DOCK6: variants seen among roughly 807,000 people sequenced by gnomAD.
DOCK6 encodes the protein dedicator of cytokinesis protein 6.
In DOCK6, 167 loss-of-function variants were observed where a neutral mutation model predicts 230.3. The ratio of observed to expected loss-of-function variants is 0.73; its 90% CI spans 0.64 to 0.82. DOCK6 has a LOEUF of 0.82. Ranked by LOEUF, DOCK6 falls within the 40% of genes least tolerant of loss-of-function variation. The pLI, the probability that DOCK6 is intolerant of heterozygous loss-of-function variation, is 0.00. For synonymous variants in DOCK6, 1,148 were observed against 1,185.0 expected (o/e 0.97, Z 0.64); for missense variants, 2,598 against 2,825.8 (o/e 0.92, Z 1.83).
intron 1 of DOCK6, among the ~76,000 whole-genome samples, chr19:11,261,323 T>G (rs926691180): frequency 5.3e-5 from 8 of 150,578 alleles, no homozygotes; most frequent in Non-Finnish European, 8.9e-5. Flanking sequence ...CTGACCCACC[T>G]CCCGCATCTC....
Position 11,242,053 on chromosome 19 carries a change from G to A in DOCK6, c.1635C>T (p.Thr545=). Reference sequence around the variant, plus strand: ...GGCCCCAGAGGCCGTACCTGTAGCTGGTATGGGGGGCATAGACTTCGCGGG... The same window carrying A: ...GGCCCCAGAGGCCGTACCTGTAGCTAGTATGGGGGGCATAGACTTCGCGGG... ...FPAREVYAPH[T]SYRNLLYVYP... The change falls in exon 14 of 48, where the codon ACC becomes ACT. Residue 545 remains threonine (T), a synonymous_variant. Transcript: ENST00000294618. 2 of 1,565,732 alleles carry A rather than the reference G, an allele frequency of 1.3e-6. No homozygotes were observed. Among genetic ancestry groups the A allele is most frequent in the Admixed American group, 2.2e-5 (1 of 44,532 alleles).
chr19:11,211,651 C>T, intron 37 of DOCK6, 125 bp downstream of exon 37: 1 of 679,096 alleles, frequency 1.5e-6, no homozygotes, highest in Non-Finnish European at 2.4e-6. Context: ...CCTCACTTGC[C>T]TCTGTTAGGG....
Position 11,257,027 on chromosome 19 carries a change from C to T in DOCK6, c.45-3301G>A, listed in dbSNP as rs768245514. Among the ~76,000 whole-genome samples the T allele has an allele frequency of 1.3e-4, 20 of 151,824 alleles. No homozygotes were observed. The South Asian group carries it at 1.5e-3, about 11-fold the overall frequency. On this transcript the variant is annotated intron_variant, in intron 1 of 47. Transcript: ENST00000294618. ...TTTTTTGAGACAGGTCTTACTGTCG[C>T]CCAGGCTGGAATGCAGTGGTGCAAT...
Position 11,222,424 on chromosome 19 carries a change from G to A in DOCK6, c.3241-176C>T, listed in dbSNP as rs2079595268. 3 of 904,438 alleles carry A rather than the reference G, an allele frequency of 3.3e-6. No homozygotes were observed. In the East Asian group the frequency reaches 8.0e-5, roughly 24 times the overall value. The allele number at this position is 904,438 out of a possible 1,614,324, so 56.0% of individuals were successfully genotyped here. ...CATGGGTTTCAAGGCCAGAAGTGAG[G>A]GGCTGACGTTAACCCATCTGTGATG... On this transcript the variant is annotated intron_variant, in intron 26 of 47. Coordinates refer to ENST00000294618, the MANE Select transcript of DOCK6 (RefSeq NM_020812.4). This position sits in a 1 kb window ranked among gnomAD's most constrained non-coding sequence, Gnocchi z 4.0.
At chr19:11,227,840 C>T (rs890919809) in intron 23 of DOCK6, among the ~76,000 whole-genome samples, 3 of 150,940 alleles carry the variant, frequency 2.0e-5, no homozygotes, top group Non-Finnish European at 4.4e-5. Flanking sequence ...GCGGGTCTCC[C>T]CAGGGCAAGT....
In DOCK6 at chr19:11,222,183, T is replaced by C. The variant is rs1315759432; in HGVS notation, c.3306A>G (p.Pro1102=). The change falls in exon 27 of 48, where the codon CCA becomes CCG. Residue 1102 remains proline (P), a synonymous_variant. Transcript: ENST00000294618. The surrounding 1 kb of genome is among the most constrained non-coding windows in gnomAD (Gnocchi z 4.0). ...KVTSMFELSG[P]FRQQHFLAGL... ...CAGCTAGGAAGTGCTGCTGCCGGAA[T>C]GGTCCACTCAGTTCGAACATGCTGG... 6.2e-7 allele frequency: 1 copy of C among 1,609,474 alleles called. No homozygotes were observed. Among genetic ancestry groups the C allele is most frequent in the East Asian group, 2.2e-5 (1 of 44,724 alleles).
At chr19:11,244,451 CTTTTTTTTTTTTT>C (rs56722117) in intron 9 of DOCK6, among the ~76,000 whole-genome samples, 68 of 40,260 alleles carry the variant, frequency 1.7e-3, no homozygotes, top group Non-Finnish European at 2.4e-3. Flanking sequence ...CCACACCTGG[CTTTTTTTTTTTTT>C]TTTTTTTTTT....
intron 47 of DOCK6, among the ~76,000 whole-genome samples, 181 bp from the exon 48 acceptor site, chr19:11,199,720 A>T (rs1223665768): frequency 6.6e-6 from 1 of 152,220 alleles, no homozygotes; most frequent in Non-Finnish European, 1.5e-5. Context: ...CACGGAAGGT[A>T]TGAATCATCC....
intron 22 of DOCK6, chr19:11,229,444 T>G: frequency 4.5e-6 from 4 of 896,282 alleles, no homozygotes; most frequent in Non-Finnish European, 5.4e-6. Flanking sequence ...GGTGAAGGGG[T>G]ATGTGGTTGG....
chr19:11,238,644 A>G (rs2079890169), intron 14 of DOCK6: 1 of 254,882 alleles, frequency 3.9e-6, no homozygotes, highest in East Asian at 8.1e-5. Context: ...GTTCCAAGGT[A>G]CCTCAGGTGG....
intron 39 of DOCK6, among the ~76,000 whole-genome samples, chr19:11,205,565 G>A (rs1370654373): frequency 2.0e-5 from 3 of 151,692 alleles, no homozygotes; most frequent in East Asian, 3.9e-4. Flanking sequence ...GGCTGGTCTC[G>A]AACTCCTGAC....
chr19:11,240,692 G>C (rs950804899), intron 14 of DOCK6, among the ~76,000 whole-genome samples: 3 of 150,492 alleles, frequency 2.0e-5, no homozygotes, highest in Non-Finnish European at 4.4e-5. Flanking sequence ...TGATTCTCCT[G>C]CCTCAGCCTC....
At chr19:11,240,346 G>GA (rs1397367876) in intron 14 of DOCK6, 1 of 1,482,520 alleles carries the variant, frequency 6.7e-7, no homozygotes, top group Non-Finnish European at 9.0e-7. Context: ...TTTCCGGCCA[G>GA]AACTCGCTTC....
At chr19:11,212,999 G>C (rs1262842734) in intron 35 of DOCK6, among the ~76,000 whole-genome samples, 177 bp downstream of exon 35, 2 of 150,656 alleles carry the variant, frequency 1.3e-5, no homozygotes, top group Non-Finnish European at 3.0e-5. Context: ...GCCTCCCAAA[G>C]TGCTGGGATT....
chr19:11,226,952 C>T (rs537769518), intron 24 of DOCK6, among the ~76,000 whole-genome samples: 2 of 152,298 alleles, frequency 1.3e-5, no homozygotes, highest in East Asian at 1.9e-4. Flanking sequence ...TCATTCACTA[C>T]AATCTAGCCA....
chr19:11,219,765 G>C (rs2079552724), intron 28 of DOCK6, among the ~76,000 whole-genome samples: 1 of 150,542 alleles, frequency 6.6e-6, no homozygotes, highest in Non-Finnish European at 1.5e-5. Flanking sequence ...ACTCCAGCCT[G>C]GGCAAGAGCG....
chr19:11,242,382 AT>A (rs895176755), intron 13 of DOCK6, among the ~76,000 whole-genome samples, 175 bp from the exon 14 acceptor site: 24 of 150,776 alleles, frequency 1.6e-4, no homozygotes, highest in African/African-American at 4.9e-4. Context: ...GTCACCCTAA[AT>A]TTTTTTTCGT....
At chr19:11,241,549 G>C (rs1411718560) in intron 14 of DOCK6, 1 of 1,553,596 alleles carries the variant, frequency 6.4e-7, no homozygotes, top group South Asian at 1.2e-5. Context: ...GACAGATCCA[G>C]GAGAGGTGAG....
chr19:11,216,597 C>T (rs776775284), intron 30 of DOCK6: 3 of 293,296 alleles, frequency 1.0e-5, no homozygotes, highest in Admixed American at 4.9e-5. Flanking sequence ...TTAGTAGAGA[C>T]GGGGTTTCAG....
Sources: allele counts gnomAD v4.1 joint callset (sites outside exome capture counted in the v4.1 genomes callset), GRCh38; gene constraint gnomAD v4.1.1; non-coding constraint Gnocchi (gnomAD v3.1); transcripts MANE v1.5; gene names NCBI Gene and HGNC (gene_info 2026-07-23, HGNC 2026-07-21).